Variants in DIS3L2 observed in about 807,000 individuals in gnomAD.
The protein encoded by DIS3L2 is DIS3-like exonuclease 2.
In DIS3L2, 34 loss-of-function variants were observed where a neutral mutation model predicts 97.5. That is an observed-to-expected ratio of 0.35 (90% confidence interval 0.27 to 0.46). DIS3L2 has a LOEUF of 0.46. Among genes scored for constraint, DIS3L2 ranks in the 20% least tolerant of loss-of-function variants. The probability of loss-of-function intolerance (pLI) is 1.00; values close to 1 mark genes in which losing one functional copy is unlikely to be tolerated. For missense variants in DIS3L2, 1,038 were observed against 1,146.0 expected, an observed-to-expected ratio of 0.91 and a Z score of 1.36; for synonymous variants, 435 against 445.2, an observed-to-expected ratio of 0.98 and a Z score of 0.29.
intron 12 of DIS3L2, among the ~76,000 whole-genome samples, chr2:232,262,096 C>A (rs1273967528): frequency 6.6e-6 from 1 of 151,916 alleles, no homozygotes; most frequent in East Asian, 1.9e-4. Context: ...TTTGTCCTGT[C>A]TCTCTCAGCT....
chr2:232,144,481 A>G (rs970198615), intron 8 of DIS3L2, among the ~76,000 whole-genome samples: 1 of 151,998 alleles, frequency 6.6e-6, no homozygotes, highest in Non-Finnish European at 1.5e-5. Context: ...CCATTTTTTT[A>G]ACAGTTAATT....
Position 232,336,932 on chromosome 2 carries a change from T to G in DIS3L2, c.*302T>G, listed in dbSNP as rs1041452590. 6.6e-6 allele frequency: 8 copies of G among 1,211,826 alleles called. No homozygotes were observed. The African/African-American group carries it at 9.6e-5, about 15-fold the overall frequency. The allele number at this position is 1,211,826 out of a possible 1,614,324, so 75.1% of individuals were successfully genotyped here. A position where few individuals can be genotyped will look rare whatever the true frequency, so the allele number is the denominator to read the frequency against. ...CTCCTCTGCCCAGGAAATGGGGGGGTTTCAGCAACTCAGTGTCACAGAATA... is the reference window on the plus strand; with the variant it reads ...CTCCTCTGCCCAGGAAATGGGGGGGGTTCAGCAACTCAGTGTCACAGAATA... On this transcript the variant is annotated 3_prime_UTR_variant, in exon 21 of 21. Transcript: ENST00000325385.
chr2:232,014,242 A>G (rs1392893525), intron 1 of DIS3L2, among the ~76,000 whole-genome samples: 2 of 152,184 alleles, frequency 1.3e-5, no homozygotes, highest in Non-Finnish European at 2.9e-5. Context: ...AGGTGATGGC[A>G]GGTAAGAGTA....
At chr2:232,122,749 GACAACA>G (rs374604424) in intron 6 of DIS3L2, among the ~76,000 whole-genome samples, 2 of 151,808 alleles carry the variant, frequency 1.3e-5, no homozygotes, top group South Asian at 4.2e-4. Context: ...AACTCCAAGA[GACAACA>G]ACAACAACAA....
intron 8 of DIS3L2, among the ~76,000 whole-genome samples, chr2:232,147,204 C>G (rs549109514): frequency 7.9e-5 from 12 of 152,244 alleles, no homozygotes; most frequent in African/African-American, 2.2e-4. Context: ...CTCCTGGGCT[C>G]AAGTGATCCT....
At chr2:232,271,558 G>A (rs114258508) in intron 13 of DIS3L2, among the ~76,000 whole-genome samples, 29 of 152,202 alleles carry the variant, frequency 1.9e-4, no homozygotes, top group Non-Finnish European at 4.0e-4. Flanking sequence ...TAGAGTCAGC[G>A]AGGCTTGAAG....
intron 6 of DIS3L2, among the ~76,000 whole-genome samples, chr2:232,122,019 A>G (rs895974307): frequency 3.9e-5 from 6 of 152,040 alleles, no homozygotes; most frequent in Non-Finnish European, 7.4e-5. Context: ...CTGTTCAGAA[A>G]CCTGTCTAAG....
At chr2:232,275,855 G>A (rs1694126529) in intron 13 of DIS3L2, among the ~76,000 whole-genome samples, 1 of 152,190 alleles carries the variant, frequency 6.6e-6, no homozygotes, top group Non-Finnish European at 1.5e-5. Flanking sequence ...GGGGTGCACA[G>A]GAAGAGCCTG....
chr2:232,247,022 T>C (rs1280708352), intron 11 of DIS3L2, among the ~76,000 whole-genome samples: 1 of 145,412 alleles, frequency 6.9e-6, no homozygotes, highest in East Asian at 1.9e-4. Flanking sequence ...TGACAAACAC[T>C]AAATATGAAG....
rs531636133 is a variant in DIS3L2 at position 232,333,054 on chromosome 2, G to A, written c.2011-786G>A. Among the ~76,000 whole-genome samples, 96 of 151,874 alleles carry A rather than the reference G, an allele frequency of 6.3e-4. No individual in the cohort carries two copies. In the South Asian group the frequency reaches 0.012, roughly 19 times the overall value. ...TCTGCTTGTGTCTCCAGCAGACAGC[G>A]TCTGCAGCCCCTGGTCCAACAAAAC... On this transcript the variant is annotated intron_variant, in intron 16 of 20. Transcript: ENST00000325385.
chr2:232,289,757 G>C (rs1373597248), intron 13 of DIS3L2, among the ~76,000 whole-genome samples: 1 of 152,214 alleles, frequency 6.6e-6, no homozygotes, highest in Non-Finnish European at 1.5e-5. Flanking sequence ...TGGGTGGAGA[G>C]CCTGTCGCTT....
At chr2:232,313,394 C>T (rs974324680) in intron 14 of DIS3L2, among the ~76,000 whole-genome samples, 3 of 152,326 alleles carry the variant, frequency 2.0e-5, no homozygotes, top group African/African-American at 7.2e-5. Flanking sequence ...AAGACTGCTA[C>T]TCCTCATTTT....
intron 6 of DIS3L2, 149 bp from the exon 7 acceptor site, chr2:232,130,470 G>A (rs1173851626): frequency 1.3e-6 from 1 of 798,970 alleles, no homozygotes; most frequent in African/African-American, 1.7e-5. Context: ...GTATGTGACA[G>A]GTCCACTGGC....
intron 6 of DIS3L2, among the ~76,000 whole-genome samples, chr2:232,098,017 T>C (rs1697077381): frequency 6.6e-6 from 1 of 152,006 alleles, no homozygotes. Context: ...CAGGTTCTCT[T>C]TGGGCGTAGG....
At chr2:232,099,107 A>T (rs889875784) in intron 6 of DIS3L2, among the ~76,000 whole-genome samples, 1 of 152,098 alleles carries the variant, frequency 6.6e-6, no homozygotes, top group Non-Finnish European at 1.5e-5. Context: ...TCTATTTCTG[A>T]TGTTGAACCA....
rs74351953 is a variant in DIS3L2 at position 232,320,395 on chromosome 2, G to A, written c.1740-9418G>A. Among the ~76,000 whole-genome samples, 12 of 152,288 alleles carry A rather than the reference G, an allele frequency of 7.9e-5. No homozygotes were observed. The East Asian group carries it at 2.3e-3, about 29-fold the overall frequency. The stretch of plus-strand genomic sequence containing the variant: ...TTCTGTGTTTCATGTTTATACTGAG[G>A]CAGGCTGCCCTTGCAGGAGAGAATT... On this transcript the variant is annotated intron_variant, in intron 14 of 20. Transcript: ENST00000325385.
chr2:232,220,666 C>T (rs1038677742), intron 10 of DIS3L2, among the ~76,000 whole-genome samples: 6 of 152,048 alleles, frequency 3.9e-5, no homozygotes, highest in African/African-American at 1.5e-4. Flanking sequence ...AAGATCGCAC[C>T]ACTGCACTCC....
At chr2:232,109,405 C>T in intron 6 of DIS3L2, among the ~76,000 whole-genome samples, 1 of 152,110 alleles carries the variant, frequency 6.6e-6, no homozygotes, top group Non-Finnish European at 1.5e-5. Context: ...TGCACCACTA[C>T]ACTCCAGCCT....
rs1575029253 is a variant in DIS3L2, at chr2:232,335,773, G to T, written c.2395G>T (p.Ala799Ser). The T allele has an allele frequency of 3.9e-6, 6 of 1,550,314 alleles. No individual in the cohort carries two copies. The highest frequency in any genetic ancestry group is 5.2e-6 in the Non-Finnish European group (6 of 1,146,908). The change falls in exon 20 of 21, where the codon GCA becomes TCA. Residue 799 changes from alanine to serine, a missense_variant and splice_region_variant. Around this residue, in one of 3 missense-constraint regions of DIS3L2, gnomAD observed 221 missense variants for 246.9 expected, o/e 0.90. Coordinates refer to ENST00000325385, the MANE Select transcript of DIS3L2 (RefSeq NM_152383.5). ...CTGAGGCTTGGTGTTTGCACTCCAG[G>T]CACTGGCCCTGCGGTCCCACCACTT... ...YGVQKRIYCN[A>S]LALRSHHFQK...
Sources: allele counts gnomAD v4.1 joint callset (sites outside exome capture counted in the v4.1 genomes callset), GRCh38; gene constraint gnomAD v4.1.1; regional missense constraint gnomAD v4.1.1; transcripts MANE v1.5; gene names NCBI Gene and HGNC (gene_info 2026-07-23, HGNC 2026-07-21).